The following POU2F2 variants were observed in gnomAD, a reference collection of about 807,000 sequenced individuals.
POU2F2 encodes POU domain, class 2, transcription factor 2.
Under a neutral mutation model 63.5 loss-of-function variants are expected in POU2F2, and 14 were observed. That is an observed-to-expected ratio of 0.22 (90% CI 0.15 to 0.34). POU2F2 has a LOEUF of 0.34. Ranked by LOEUF, POU2F2 falls within the 10% of genes least tolerant of loss-of-function variation. The probability of loss-of-function intolerance (pLI) is 1.00; values close to 1 mark genes in which losing one functional copy is unlikely to be tolerated. For synonymous variants in POU2F2, 306 were observed against 348.6 expected (o/e 0.88, Z 1.36); for missense variants, 607 against 815.2 (o/e 0.74, Z 3.11).
At chr19:42,193,256 G>C (rs2035094441) in intron 1 of POU2F2, among the ~76,000 whole-genome samples, 1 of 151,586 alleles carries the variant, frequency 6.6e-6, no homozygotes, top group Non-Finnish European at 1.5e-5. Context: ...AAAATTTCCT[G>C]CGAAAGATGT....
In POU2F2 at chr19:42,132,102, C is replaced by T. The variant is rs558158069; in HGVS notation, c.28+282G>A. 1.4e-4 allele frequency among the ~76,000 whole-genome samples: 21 copies of T among 152,302 alleles called. No homozygotes were observed. In the South Asian group the frequency reaches 2.1e-3, roughly 15 times the overall value. ...CCCACTGGTTCTCCACATGAGGGCCCGCTACCAACACCCAGCTCCCTCCCT... is the reference window on the plus strand; with the variant it reads ...CCCACTGGTTCTCCACATGAGGGCCTGCTACCAACACCCAGCTCCCTCCCT... On this transcript the variant is annotated intron_variant, in intron 1 of 14. Coordinates refer to ENST00000692977, the MANE Select transcript of POU2F2 (RefSeq NM_001394376.1).
chr19:42,162,311 G>A lies in POU2F2; in HGVS notation c.-69-1919C>T, dbSNP rs1362965428. ...CCCCAATATGCCCTCCGACAGAGGG[G>A]AGAGGATCCCTCTCCCAAGCAGACA... On this transcript the variant is annotated intron_variant, in intron 1 of 6. Coordinates refer to the POU2F2 transcript ENST00000524801. The surrounding 1 kb of genome is among the most constrained non-coding windows in gnomAD (Gnocchi z 4.1). Among the ~76,000 whole-genome samples, 3 of 152,086 alleles carry A rather than the reference G, an allele frequency of 2.0e-5. No individual in the cohort carries two copies. Among genetic ancestry groups the A allele is most frequent in the Non-Finnish European group, 4.4e-5 (3 of 68,016 alleles).
chr19:42,179,599 A>G (rs897483539), upstream of POU2F2, among the ~76,000 whole-genome samples: 5 of 152,090 alleles, frequency 3.3e-5, no homozygotes, highest in African/African-American at 1.2e-4. Context: ...TAGCAGCTGC[A>G]ACCGCCCTTC....
upstream of POU2F2, among the ~76,000 whole-genome samples, chr19:42,135,720 TC>T (rs891335914): frequency 6.6e-5 from 10 of 151,346 alleles, no homozygotes; most frequent in African/African-American, 2.2e-4. Context: ...TTTTTTTTTT[TC>T]CTTTGAGACA....
At chr19:42,197,532 C>A (rs1208759225), upstream of POU2F2, among the ~76,000 whole-genome samples, 2 of 152,186 alleles carry the variant, frequency 1.3e-5, no homozygotes, top group Non-Finnish European at 2.9e-5. Flanking sequence ...GCAAGAAAGG[C>A]AGCCTTGGAA....
intron 4 of POU2F2, among the ~76,000 whole-genome samples, chr19:42,118,913 A>G (rs1410392962): frequency 6.6e-6 from 1 of 152,238 alleles, no homozygotes; most frequent in East Asian, 1.9e-4. Flanking sequence ...GTGGACAGAG[A>G]CAAACAGAGG....
At chr19:42,120,218 C>CTTTTTT (rs60956281) in intron 4 of POU2F2, among the ~76,000 whole-genome samples, 2 of 139,158 alleles carry the variant, frequency 1.4e-5, no homozygotes, top group Non-Finnish European at 1.6e-5. Flanking sequence ...GCCTAATCTC[C>CTTTTTT]TTTTTTTTTT....
chr19:42,091,368 G>A lies in POU2F2; in HGVS notation c.1764C>T (p.Leu588=). The A allele has an allele frequency of 1.3e-6, 2 of 1,539,794 alleles. No homozygotes were observed. The highest frequency in any genetic ancestry group is 1.2e-5 in the South Asian group (1 of 84,026). Residue 588 remains leucine, a synonymous_variant, in exon 15 of 15, where the codon CTC becomes CTT. Transcript: ENST00000692977. ...AASISSKSPG[L]SSSSSSSSSS... ...ATGAGGATGAAGAGGATGAGGAGGA[G>A]AGGCCAGGAGACTTGCTGGAGATGG...
upstream of POU2F2, among the ~76,000 whole-genome samples, chr19:42,180,200 T>A (rs375056599): frequency 1.3e-3 from 201 of 152,116 alleles, 2 homozygotes; most frequent in South Asian, 0.04. Flanking sequence ...AAGTACCCTA[T>A]CCCCCATGCC....
intron 2 of POU2F2, among the ~76,000 whole-genome samples, chr19:42,154,481 A>G (rs1351000501): frequency 6.6e-6 from 1 of 152,190 alleles, no homozygotes; most frequent in East Asian, 1.9e-4. Context: ...AGAGAGAAAC[A>G]GAGAAAGAGC....
At chr19:42,196,910 A>AG (rs979705186), upstream of POU2F2, among the ~76,000 whole-genome samples, 4 of 152,216 alleles carry the variant, frequency 2.6e-5, no homozygotes, top group African/African-American at 9.6e-5. Context: ...AACAGGGTTA[A>AG]GGGGGAGGTG....
chr19:42,186,589 C>T (rs1250238773), intron 1 of POU2F2, among the ~76,000 whole-genome samples: 1 of 151,834 alleles, frequency 6.6e-6, no homozygotes, highest in Non-Finnish European at 1.5e-5. Flanking sequence ...TCATCAAGAG[C>T]AGCTTTGCAT....
intron 5 of POU2F2, among the ~76,000 whole-genome samples, chr19:42,107,724 C>T (rs2030356896): frequency 6.6e-6 from 1 of 152,192 alleles, no homozygotes; most frequent in Non-Finnish European, 1.5e-5. Flanking sequence ...ATTCTATGCA[C>T]AGACTCTTCT....
intron 2 of POU2F2, among the ~76,000 whole-genome samples, chr19:42,147,469 T>A (rs1158092719): frequency 1.3e-5 from 2 of 152,348 alleles, no homozygotes; most frequent in East Asian, 3.9e-4. Context: ...ATTTGATTGA[T>A]GTTTACACTT....
chr19:42,100,404 A>G (rs1295133241), intron 5 of POU2F2, among the ~76,000 whole-genome samples: 4 of 151,462 alleles, frequency 2.6e-5, no homozygotes, highest in African/African-American at 9.7e-5. Context: ...TTCTTTCTTG[A>G]TGAAATATTT....
chr19:42,107,227 C>T (rs953167313), intron 5 of POU2F2, among the ~76,000 whole-genome samples: 6 of 151,802 alleles, frequency 4.0e-5, no homozygotes, highest in South Asian at 2.1e-4. Flanking sequence ...TGGTGGCGGG[C>T]GCCTGTAGTT....
intron 1 of POU2F2, among the ~76,000 whole-genome samples, chr19:42,184,390 G>C (rs576540170): frequency 5.3e-5 from 8 of 152,236 alleles, no homozygotes; most frequent in African/African-American, 1.7e-4. Context: ...TTCACATGGG[G>C]ATGTCTCTCT....
chr19:42,131,606 T>C (rs2033735325), intron 1 of POU2F2, among the ~76,000 whole-genome samples: 1 of 152,214 alleles, frequency 6.6e-6, no homozygotes, highest in Non-Finnish European at 1.5e-5. Flanking sequence ...CAGCTATAAA[T>C]CACCTTGTAC....
chr19:42,127,952 C>G (rs2033356567), intron 1 of POU2F2, among the ~76,000 whole-genome samples: 1 of 152,070 alleles, frequency 6.6e-6, no homozygotes, highest in Non-Finnish European at 1.5e-5. Flanking sequence ...CTCTGCTCGT[C>G]TCCCACTTGG....
Sources: allele counts gnomAD v4.1 joint callset (sites outside exome capture counted in the v4.1 genomes callset), GRCh38; gene constraint gnomAD v4.1.1; non-coding constraint Gnocchi (gnomAD v3.1); transcripts MANE v1.5; gene names NCBI Gene and HGNC (gene_info 2026-07-23, HGNC 2026-07-21).